Variants in PSD3 observed in about 807,000 individuals in gnomAD.
PSD3 encodes the protein PH and SEC7 domain-containing protein 3.
In PSD3, 49 loss-of-function variants were observed where a neutral mutation model predicts 105.5. That is an observed-to-expected ratio of 0.46 (90% CI 0.37 to 0.59). PSD3 has a LOEUF of 0.59. PSD3 is among the 20% of genes least tolerant of loss of function. The pLI is 0.00. For synonymous variants in PSD3, 557 were observed against 457.8 expected, an observed-to-expected ratio of 1.22 and a Z score of -2.77; for missense variants, 1,561 against 1,263.8, an observed-to-expected ratio of 1.24 and a Z score of -3.57.
At chr8:18,646,348 TAGGGATTA>T (rs1808033214) in intron 10 of PSD3, among the ~76,000 whole-genome samples, 1 of 152,116 alleles carries the variant, frequency 6.6e-6, no homozygotes, top group Non-Finnish European at 1.5e-5. Context: ...CTATATTCAC[TAGGGATTA>T]AGGATATACA....
chr8:18,837,927 T>C (rs1009328009), intron 4 of PSD3, among the ~76,000 whole-genome samples: 1 of 150,080 alleles, frequency 6.7e-6, no homozygotes, highest in Non-Finnish European at 1.5e-5. Context: ...AAGATGCCAG[T>C]TGTCTATCAG....
At chr8:18,903,578 C>T (rs1158975254) in intron 2 of PSD3, among the ~76,000 whole-genome samples, 1 of 152,190 alleles carries the variant, frequency 6.6e-6, no homozygotes, top group East Asian at 1.9e-4. Context: ...TGTGTCTCAG[C>T]TAAGCCACTG....
At chr8:18,939,118 G>T (rs896684852) in intron 1 of PSD3, among the ~76,000 whole-genome samples, 1 of 152,180 alleles carries the variant, frequency 6.6e-6, no homozygotes, top group African/African-American at 2.4e-5. Context: ...GAAATTCCAA[G>T]AAGATAAATT....
At chr8:18,919,296 T>A (rs1407844718) in intron 2 of PSD3, among the ~76,000 whole-genome samples, 1 of 151,980 alleles carries the variant, frequency 6.6e-6, no homozygotes, top group East Asian at 1.9e-4. Context: ...ATCTCAGAAA[T>A]CTCTTAGCAT....
intron 2 of PSD3, among the ~76,000 whole-genome samples, chr8:18,934,106 C>T (rs1821920706): frequency 6.6e-6 from 1 of 152,200 alleles, no homozygotes; most frequent in East Asian, 1.9e-4. Context: ...GCTGTGTATA[C>T]ACTGCCTTCT....
intron 9 of PSD3, among the ~76,000 whole-genome samples, chr8:18,699,779 T>C (rs1801467443): frequency 6.6e-6 from 1 of 152,050 alleles, no homozygotes; most frequent in African/African-American, 2.4e-5. Context: ...GAATGAGCAG[T>C]TTTAGTTATT....
chr8:18,984,504 AT>A (rs757713002), intron 1 of PSD3, among the ~76,000 whole-genome samples: 2 of 152,162 alleles, frequency 1.3e-5, no homozygotes, highest in Non-Finnish European at 2.9e-5. Context: ...TACCAAAAAA[AT>A]GGGGCAGTAA....
intron 1 of PSD3, among the ~76,000 whole-genome samples, chr8:18,982,635 G>C (rs1256832912): frequency 6.6e-6 from 1 of 152,198 alleles, no homozygotes; most frequent in African/African-American, 2.4e-5. Context: ...ACATCTCCTT[G>C]TAGATTTACA....
chr8:18,649,210 A>C (rs1427526939), intron 10 of PSD3, among the ~76,000 whole-genome samples: 1 of 152,172 alleles, frequency 6.6e-6, no homozygotes, highest in Non-Finnish European at 1.5e-5. Flanking sequence ...TAGGCACTCA[A>C]CGCCAGCCCA....
intron 2 of PSD3, among the ~76,000 whole-genome samples, chr8:18,906,839 C>T (rs1012102082): frequency 4.6e-5 from 7 of 152,150 alleles, no homozygotes; most frequent in African/African-American, 7.2e-5. Context: ...TATATACATA[C>T]ACGTAAGATT....
chr8:18,684,244 ACACACACC>A (rs1353809320), intron 9 of PSD3: 23 of 164,960 alleles, frequency 1.4e-4, no homozygotes, highest in Non-Finnish European at 1.7e-4. Context: ...ACACACACAC[ACACACACC>A]CCATCATATT....
chr8:18,658,981 C>G (rs1394101684), intron 9 of PSD3, among the ~76,000 whole-genome samples: 1 of 152,114 alleles, frequency 6.6e-6, no homozygotes, highest in Non-Finnish European at 1.5e-5. Flanking sequence ...CAACAACAAA[C>G]TAGTTATTTC....
At chr8:18,558,062 G>T (rs1801184238) in intron 14 of PSD3, among the ~76,000 whole-genome samples, 1 of 152,200 alleles carries the variant, frequency 6.6e-6, no homozygotes, top group Non-Finnish European at 1.5e-5. Flanking sequence ...AGCCCTAGGG[G>T]AGAGCCCTCA....
At chr8:19,013,830 C>CGGTGGCGGGCCCG (rs1827075977), upstream of PSD3, 1 of 157,816 alleles carries the variant, frequency 6.3e-6, no homozygotes, top group Non-Finnish European at 1.4e-5. Flanking sequence ...TGGCGGGCCC[C>CGGTGGCGGGCCCG]GGGGGCGGAG....
chr8:18,659,572 A>T (rs1178403549), intron 9 of PSD3, among the ~76,000 whole-genome samples: 2 of 152,266 alleles, frequency 1.3e-5, no homozygotes, highest in Non-Finnish European at 2.9e-5. Context: ...ACCAAACCTT[A>T]TAGCATCGTA....
chr8:19,028,288 C>A (rs866791399), intron 1 of PSD3, among the ~76,000 whole-genome samples: 14 of 110,606 alleles, frequency 1.3e-4, no homozygotes, highest in East Asian at 3.1e-4. Flanking sequence ...ACCCCCCCCC[C>A]CCGGCCCACC....
chr8:18,776,626 T>C (rs926815519), intron 8 of PSD3, among the ~76,000 whole-genome samples: 1 of 152,116 alleles, frequency 6.6e-6, no homozygotes, highest in Non-Finnish European at 1.5e-5. Flanking sequence ...TCTGCTAGCT[T>C]TGGCCTCCTC....
At chr8:19,073,671 A>G (rs905927917) in intron 1 of PSD3, among the ~76,000 whole-genome samples, 3 of 151,848 alleles carry the variant, frequency 2.0e-5, no homozygotes, top group Non-Finnish European at 2.9e-5. Context: ...GTGAACTGAC[A>G]TATTATAAGA....
chr8:18,765,771 T>C (rs1806933393), intron 8 of PSD3, among the ~76,000 whole-genome samples: 1 of 152,002 alleles, frequency 6.6e-6, no homozygotes, highest in African/African-American at 2.4e-5. Flanking sequence ...GCCCGTCCAC[T>C]ACTAACATGT....
Sources: allele counts gnomAD v4.1 joint callset (sites outside exome capture counted in the v4.1 genomes callset), GRCh38; gene constraint gnomAD v4.1.1; transcripts MANE v1.5; gene names NCBI Gene and HGNC (gene_info 2026-07-23, HGNC 2026-07-21).